MTHFD1L: variants seen among roughly 807,000 people sequenced by gnomAD.
MTHFD1L encodes the protein monofunctional C1-tetrahydrofolate synthase, mitochondrial.
MTHFD1L carries 81 observed loss-of-function variants against 119.5 expected under a neutral mutation model. That is an observed-to-expected ratio of 0.68 (90% CI 0.57 to 0.82). MTHFD1L has a LOEUF of 0.82. MTHFD1L is among the 40% of genes least tolerant of loss of function. MTHFD1L has a pLI of 0.00. For synonymous variants in MTHFD1L, 430 were observed against 475.2 expected (o/e 0.90, Z 1.24); for missense variants, 1,125 against 1,253.4 (o/e 0.90, Z 1.55).
Position 150,926,727 on chromosome 6 carries a change from T to C in MTHFD1L, c.1256+432T>C, listed in dbSNP as rs1396373481. 6.6e-6 allele frequency among the ~76,000 whole-genome samples: 1 copy of C among 152,248 alleles called. No individual in the cohort carries two copies. The highest frequency in any genetic ancestry group is 1.5e-5 in the Non-Finnish European group (1 of 68,042). Reference sequence around the variant, plus strand: ...TGTTTTCCTGTTAATATCCTTGATCTTACCTACATATTCACATTTCAAAAG... The same window carrying C: ...TGTTTTCCTGTTAATATCCTTGATCCTACCTACATATTCACATTTCAAAAG... On this transcript the variant is annotated intron_variant, in intron 11 of 27. Transcript: ENST00000367321. This position sits in a 1 kb window ranked among gnomAD's most constrained non-coding sequence, Gnocchi z 4.3.
chr6:150,902,386 C>T (rs1442975276), intron 7 of MTHFD1L, among the ~76,000 whole-genome samples: 1 of 152,152 alleles, frequency 6.6e-6, no homozygotes, highest in Non-Finnish European at 1.5e-5. Flanking sequence ...TTAAGCTGCT[C>T]CACTCAAGTC....
chr6:150,917,171 G>A (rs944791913), intron 8 of MTHFD1L, among the ~76,000 whole-genome samples: 4 of 152,012 alleles, frequency 2.6e-5, no homozygotes, highest in African/African-American at 9.7e-5. Flanking sequence ...GCCTTCTCAC[G>A]CTTTGCATCC....
At position 150,865,745 on chromosome 6, in the gene MTHFD1L, G is replaced by GCCA; in HGVS notation, c.-76_-75insACC. On this transcript the variant is annotated 5_prime_UTR_variant, in exon 1 of 28. Coordinates refer to ENST00000367321, the MANE Select transcript of MTHFD1L (RefSeq NM_015440.5). ...TCCCGCCGCCGCCGCCGCCGCCGCC[G>GCCA]CCTGCTCCCCTGGCACGCGCCCCGC... is the stretch of plus-strand genomic sequence containing the variant. The GCCA allele has an allele frequency of 8.6e-7, 1 of 1,164,532 alleles. No individual in the cohort carries two copies. The highest frequency in any genetic ancestry group is 2.3e-5 in the South Asian group (1 of 43,270). 72.1% of individuals were successfully genotyped at this position (1,164,532 alleles called of 1,614,324 possible).
intron 8 of MTHFD1L, among the ~76,000 whole-genome samples, chr6:150,906,352 A>C (rs1695397870): frequency 6.6e-6 from 1 of 152,224 alleles, no homozygotes; most frequent in Non-Finnish European, 1.5e-5. Flanking sequence ...TCAAGACCAC[A>C]CCAGGCCCAC....
chr6:151,075,609 T>G (rs1462382109), intron 26 of MTHFD1L, among the ~76,000 whole-genome samples: 1 of 152,180 alleles, frequency 6.6e-6, no homozygotes, highest in African/African-American at 2.4e-5. Flanking sequence ...TTAGAAGACT[T>G]AAACAATGCT....
chr6:150,953,385 C>T (rs1442425844), intron 16 of MTHFD1L, among the ~76,000 whole-genome samples: 1 of 152,214 alleles, frequency 6.6e-6, no homozygotes, highest in Non-Finnish European at 1.5e-5. Flanking sequence ...TCCACCCCCA[C>T]ACCCACTGGC....
At chr6:150,975,368 A>G (rs1476842433) in intron 20 of MTHFD1L, among the ~76,000 whole-genome samples, 2 of 152,134 alleles carry the variant, frequency 1.3e-5, no homozygotes, top group South Asian at 2.1e-4. Flanking sequence ...CACAGTGGGA[A>G]CGGGGTGTGG....
intron 24 of MTHFD1L, chr6:151,016,642 T>C (rs185369119): frequency 3.0e-5 from 5 of 167,136 alleles, no homozygotes; most frequent in Admixed American, 1.3e-4. Context: ...ATTTCTGTTA[T>C]GGTTCTTTTC....
rs572815393 is a variant in MTHFD1L, at chr6:151,015,431, G to A, written c.2409-85G>A. On this transcript the variant is annotated intron_variant, in intron 23 of 27. Transcript: ENST00000367321. Reference sequence around the variant, plus strand: ...TAAAATGTATTCAGTGTTAGGGAGCGAAGTTCTGTATAAATGGTGAGTCTT... The same window carrying A: ...TAAAATGTATTCAGTGTTAGGGAGCAAAGTTCTGTATAAATGGTGAGTCTT... 4.9e-5 allele frequency: 71 copies of A among 1,445,470 alleles called. No individual in the cohort carries two copies. The African/African-American group carries it at 5.1e-4, about 10-fold the overall frequency. 89.5% of individuals were successfully genotyped at this position (1,445,470 alleles called of 1,614,324 possible).
chr6:150,915,734 G>A (rs1163859123), intron 8 of MTHFD1L, among the ~76,000 whole-genome samples: 1 of 152,110 alleles, frequency 6.6e-6, no homozygotes, highest in African/African-American at 2.4e-5. Context: ...TGAGTAGGTG[G>A]GACTACAGGC....
chr6:151,091,598 A>G (rs972109949), intron 26 of MTHFD1L, among the ~76,000 whole-genome samples: 2 of 152,104 alleles, frequency 1.3e-5, no homozygotes, highest in African/African-American at 2.4e-5. Flanking sequence ...CCTCATGCCT[A>G]AGTGTCCTCT....
At chr6:151,066,760 G>A (rs1448140356) in intron 26 of MTHFD1L, among the ~76,000 whole-genome samples, 7 of 144,062 alleles carry the variant, frequency 4.9e-5, no homozygotes, top group South Asian at 4.4e-4. Context: ...GCAAAACTCC[G>A]TCTCAAAAAA....
chr6:151,035,518 C>G (rs1786033226), intron 25 of MTHFD1L, among the ~76,000 whole-genome samples: 1 of 152,142 alleles, frequency 6.6e-6, no homozygotes, highest in African/African-American at 2.4e-5. Flanking sequence ...TCAGGAAGTT[C>G]TAAATTCTTA....
Position 150,926,272 on chromosome 6 carries a change from T to C in MTHFD1L, c.1233T>C (p.Asp411=). 1 of 1,612,550 alleles carries C rather than the reference T, an allele frequency of 6.2e-7. No homozygotes were observed. The highest frequency in any genetic ancestry group is 1.1e-5 in the South Asian group (1 of 90,970). The change falls in exon 11 of 28, where the codon GAT becomes GAC. Residue 411 remains aspartate, a synonymous_variant. Transcript: ENST00000367321. The surrounding 1 kb of genome is among the most constrained non-coding windows in gnomAD (Gnocchi z 4.3). ...TAGAAAGGTTAAAGGATCAAGCAGA[T>C]GGAAAATACGTCTTAGTTGCTGGGT... ...SVLERLKDQA[D]GKYVLVAGIT... is the part of the protein sequence containing the mutation.
intron 26 of MTHFD1L, among the ~76,000 whole-genome samples, chr6:151,066,764 C>CAA (rs1303162884): frequency 1.9e-4 from 19 of 100,076 alleles, no homozygotes; most frequent in African/African-American, 5.6e-4. Context: ...AACTCCGTCT[C>CAA]AAAAAAAAAA....
Position 150,882,759 on chromosome 6 carries a change from T to C in MTHFD1L, c.418-3T>C. On this transcript the variant is annotated splice_polypyrimidine_tract_variant and splice_region_variant and intron_variant, in intron 4 of 27. Coordinates refer to ENST00000367321, the MANE Select transcript of MTHFD1L (RefSeq NM_015440.5). ...TTATTTTGTTTTTTTGTTTTCTCTT[T>C]AGATTATAGATGAAATCTTAAAGAT... 6.7e-7 allele frequency: 1 copy of C among 1,484,738 alleles called. No individual in the cohort carries two copies. The highest frequency in any genetic ancestry group is 8.9e-7 in the Non-Finnish European group (1 of 1,119,928). The allele number at this position is 1,484,738 out of a possible 1,614,324, so 92.0% of individuals were successfully genotyped here.
At chr6:150,984,025 C>G (rs1221191451) in intron 20 of MTHFD1L, among the ~76,000 whole-genome samples, 3 of 152,166 alleles carry the variant, frequency 2.0e-5, no homozygotes, top group East Asian at 1.9e-4. Context: ...CCTGCCTCAG[C>G]CTCCCAAAAT....
intron 26 of MTHFD1L, among the ~76,000 whole-genome samples, chr6:151,068,075 CAAAT>C (rs1255210303): frequency 6.6e-6 from 1 of 152,242 alleles, no homozygotes; most frequent in Non-Finnish European, 1.5e-5. Flanking sequence ...TAATGCCAAA[CAAAT>C]AACACAATTC....
chr6:151,101,444 C>CTA (rs3055596), intron 27 of MTHFD1L, 82 bp from the exon 28 acceptor site: 5,138 of 152,550 alleles, frequency 0.034, 174 homozygotes, highest in Admixed American at 0.11. Flanking sequence ...AACTCTAGAG[C>CTA]TATAACATGT....
Sources: gnomAD v4.1 joint callset for allele counts (sites outside exome capture counted in the v4.1 genomes callset) on GRCh38, gnomAD v4.1.1 for gene constraint, Gnocchi (gnomAD v3.1) non-coding constraint, MANE v1.5 for transcripts, NCBI Gene and HGNC (gene_info 2026-07-23, HGNC 2026-07-21) for gene names.